Variants in KCNIP4 observed in about 807,000 individuals in gnomAD.
KCNIP4 encodes potassium voltage-gated channel interacting protein 4.
A neutral mutation model predicts 34.0 loss-of-function variants in KCNIP4; 12 were observed. The ratio of observed to expected loss-of-function variants is 0.35; its 90% CI spans 0.23 to 0.57. KCNIP4 has a LOEUF of 0.57. Among genes scored for constraint, KCNIP4 ranks in the 20% least tolerant of loss-of-function variants. The probability of loss-of-function intolerance (pLI) is 0.83; values close to 1 mark genes in which losing one functional copy is unlikely to be tolerated. For synonymous variants in KCNIP4, 124 were observed against 102.2 expected (o/e 1.21, Z -1.29); for missense variants, 238 against 311.7 (o/e 0.76, Z 1.78).
intron 1 of KCNIP4, among the ~76,000 whole-genome samples, chr4:21,472,788 C>T (rs556139726): frequency 4.1e-4 from 63 of 152,194 alleles, no homozygotes; most frequent in Non-Finnish European, 6.8e-4. Context: ...TGAACATACT[C>T]AAACTGCCCA....
At chr4:21,859,623 A>G (rs1002335986) in intron 1 of KCNIP4, among the ~76,000 whole-genome samples, 1 of 125,372 alleles carries the variant, frequency 8.0e-6, no homozygotes, top group Non-Finnish European at 1.8e-5. Flanking sequence ...GCAAGACTCC[A>G]TTTCAAAAAA....
intron 1 of KCNIP4, among the ~76,000 whole-genome samples, chr4:21,272,442 T>G (rs187582231): frequency 1.1e-4 from 16 of 152,320 alleles, no homozygotes; most frequent in African/African-American, 2.6e-4. Flanking sequence ...CAGATCTTCA[T>G]GGCAAACTAT....
intron 1 of KCNIP4, among the ~76,000 whole-genome samples, chr4:21,840,839 C>T (rs1333764784): frequency 6.6e-6 from 1 of 152,148 alleles, no homozygotes; most frequent in African/African-American, 2.4e-5. Context: ...ACTTGAAAGT[C>T]AATGTCTCAG....
At chr4:21,208,796 CAT>C (rs1369546451) in intron 1 of KCNIP4, among the ~76,000 whole-genome samples, 1 of 152,176 alleles carries the variant, frequency 6.6e-6, no homozygotes, top group Non-Finnish European at 1.5e-5. Flanking sequence ...TTAATGGACT[CAT>C]AGTTCAGCAT....
intron 2 of KCNIP4, among the ~76,000 whole-genome samples, chr4:20,864,109 TATACATATCC>T (rs1560525249): frequency 1.4e-5 from 2 of 144,064 alleles, no homozygotes; most frequent in Non-Finnish European, 3.2e-5. Flanking sequence ...CGTATGTATG[TATACATATCC>T]ATGTATACAC....
chr4:21,078,203 G>T (rs955926529), intron 1 of KCNIP4, among the ~76,000 whole-genome samples: 4 of 152,076 alleles, frequency 2.6e-5, no homozygotes, highest in African/African-American at 9.7e-5. Flanking sequence ...TGACTGGAAA[G>T]AGTCAGGGAG....
At chr4:21,755,988 T>G (rs1717488113) in intron 1 of KCNIP4, among the ~76,000 whole-genome samples, 1 of 152,222 alleles carries the variant, frequency 6.6e-6, no homozygotes, top group Admixed American at 6.5e-5. Flanking sequence ...ACAACATAAG[T>G]CACGCAACAC....
intron 1 of KCNIP4, among the ~76,000 whole-genome samples, chr4:20,920,236 G>T (rs573455056): frequency 6.6e-6 from 1 of 152,038 alleles, no homozygotes; most frequent in Non-Finnish European, 1.5e-5. Context: ...TTCATTTCAC[G>T]TGATTCTTTA....
rs1553891003 is a variant in KCNIP4 at position 20,758,906 on chromosome 4, G to A, written c.289-16C>T. ...TGGGGCATTCCTAGGGAAAGTGGCA[G>A]AGAAGCAATATGAGCAAAGTGTTCA... On this transcript the variant is annotated splice_polypyrimidine_tract_variant and intron_variant, in intron 3 of 8. Coordinates refer to ENST00000382152, the MANE Select transcript of KCNIP4 (RefSeq NM_025221.6). 2 of 1,608,778 alleles carry A rather than the reference G, an allele frequency of 1.2e-6. No individual in the cohort carries two copies. Among genetic ancestry groups the A allele is most frequent in the East Asian group, 4.5e-5 (2 of 44,788 alleles).
chr4:21,024,467 A>G (rs997537519), intron 1 of KCNIP4, among the ~76,000 whole-genome samples: 2 of 152,220 alleles, frequency 1.3e-5, no homozygotes, highest in Non-Finnish European at 2.9e-5. Context: ...CAAACCTTGA[A>G]TCGTACTTAT....
chr4:20,998,622 G>A (rs1163926526), intron 1 of KCNIP4, among the ~76,000 whole-genome samples: 2 of 152,230 alleles, frequency 1.3e-5, no homozygotes, highest in Non-Finnish European at 2.9e-5. Context: ...GTCTGAAAGA[G>A]TGAAGGGCTG....
At chr4:20,822,069 T>C (rs1475242661) in intron 3 of KCNIP4, among the ~76,000 whole-genome samples, 1 of 151,880 alleles carries the variant, frequency 6.6e-6, no homozygotes, top group African/African-American at 2.4e-5. Flanking sequence ...ATAAATGGGA[T>C]CTCATTAAAC....
chr4:21,272,577 A>G (rs1762217284), intron 1 of KCNIP4, among the ~76,000 whole-genome samples: 1 of 152,108 alleles, frequency 6.6e-6, no homozygotes, highest in African/African-American at 2.4e-5. Context: ...GTCTTTTCAC[A>G]TAGTTTCCTT....
At chr4:21,636,683 G>A (rs1278274145) in intron 1 of KCNIP4, among the ~76,000 whole-genome samples, 2 of 152,144 alleles carry the variant, frequency 1.3e-5, no homozygotes, top group East Asian at 3.9e-4. Context: ...CATAACCTCA[G>A]TCAAGTATTA....
chr4:21,937,330 C>T (rs1248739257), intron 1 of KCNIP4, among the ~76,000 whole-genome samples: 2 of 152,052 alleles, frequency 1.3e-5, no homozygotes, highest in Non-Finnish European at 2.9e-5. Flanking sequence ...AGTCACCAAC[C>T]TTGCCATCTT....
intron 1 of KCNIP4, among the ~76,000 whole-genome samples, chr4:21,655,392 C>A (rs1469698051): frequency 6.6e-6 from 1 of 151,948 alleles, no homozygotes; most frequent in East Asian, 1.9e-4. Flanking sequence ...ACTGCCAACA[C>A]ATTTTACAAG....
chr4:21,900,772 TTCTATTTGATGTGTTC>T (rs1237103291), intron 1 of KCNIP4, among the ~76,000 whole-genome samples: 6 of 152,336 alleles, frequency 3.9e-5, no homozygotes, highest in African/African-American at 1.4e-4. Context: ...CCTGCCATAT[TTCTATTTGATGTGTTC>T]TCCATTGCAG....
At chr4:21,839,076 A>T (rs2597849) in intron 1 of KCNIP4, among the ~76,000 whole-genome samples, 57,715 of 152,026 alleles carry the variant, frequency 0.38, 12,591 homozygotes, top group Non-Finnish European at 0.51. Flanking sequence ...AGCAAGTTTG[A>T]TCAAGATAAA....
intron 1 of KCNIP4, among the ~76,000 whole-genome samples, chr4:21,197,810 A>C: frequency 6.6e-6 from 1 of 152,268 alleles, no homozygotes; most frequent in African/African-American, 2.4e-5. Flanking sequence ...TTTTCTGAGC[A>C]TTTTAAGTTA....
Sources: gnomAD v4.1 joint callset for allele counts (sites outside exome capture counted in the v4.1 genomes callset) on GRCh38, gnomAD v4.1.1 for gene constraint, MANE v1.5 for transcripts, NCBI Gene and HGNC (gene_info 2026-07-23, HGNC 2026-07-21) for gene names.